Variants in AGGF1 observed in about 807,000 individuals in gnomAD.
AGGF1 encodes angiogenic factor with G-patch and FHA domains 1, also known as angiogenic factor with G patch and FHA domains 1.
AGGF1 carries 56 observed loss-of-function variants against 86.5 expected under a neutral mutation model. The observed-to-expected ratio is 0.65, with a 90% CI of 0.52 to 0.81. The LOEUF (loss-of-function observed/expected upper bound fraction) is 0.81. Among genes scored for constraint, AGGF1 ranks in the 30% least tolerant of loss-of-function variants. The probability of loss-of-function intolerance (pLI) is 0.00; values close to 1 mark genes in which losing one functional copy is unlikely to be tolerated. For synonymous variants in AGGF1, 313 were observed against 297.1 expected, an observed-to-expected ratio of 1.05 and a Z score of -0.55; for missense variants, 816 against 850.9, an observed-to-expected ratio of 0.96 and a Z score of 0.51.
At chr5:77,059,969 G>A (rs1747526195) in intron 12 of AGGF1, among the ~76,000 whole-genome samples, 1 of 152,206 alleles carries the variant, frequency 6.6e-6, no homozygotes, top group Non-Finnish European at 1.5e-5. Context: ...AGCCTCCTGA[G>A]TAGCTGGGAT....
At chr5:77,061,844 G>T in intron 13 of AGGF1, 42 bp downstream of exon 13, 1 of 1,558,900 alleles carries the variant, frequency 6.4e-7, no homozygotes, top group South Asian at 1.1e-5. Context: ...TCCTAGAGCA[G>T]ACATTTACCG....
rs115331006 is a variant in AGGF1 at position 77,036,089 on chromosome 5, C to T, written c.516+346C>T. 3.4e-3 allele frequency: 901 copies of T among 266,308 alleles called. 9 individuals are homozygous for T. Among genetic ancestry groups the T allele is most frequent in the African/African-American group, 0.019 (824 of 43,966 alleles). The allele number at this position is 266,308 out of a possible 1,614,324, so 16.5% of individuals were successfully genotyped here. A position where few individuals can be genotyped will look rare whatever the true frequency, so the allele number is the denominator to read the frequency against. On this transcript the variant is annotated intron_variant, in intron 3 of 13. Coordinates refer to ENST00000312916, the MANE Select transcript of AGGF1 (RefSeq NM_018046.5). Reference sequence around the variant, plus strand: ...ATGTTCCTTTATGTCAGATACCCTGCCACTATTCAAATTTCCCTGAATCTA... The same window carrying T: ...ATGTTCCTTTATGTCAGATACCCTGTCACTATTCAAATTTCCCTGAATCTA...
Position 77,063,231 on chromosome 5 carries a change from G to T in AGGF1, c.2124G>T (p.Trp708Cys). ...AAGATGACCCAGGGACCATGCCTTG[G>T]GTAAAAGGGACTTTAGAGTGAAGGC... ...PQKDDPGTMP[W>C]VKGTLE Residue 708 changes from tryptophan to cysteine, a missense_variant, in exon 14 of 14, where the codon TGG (tryptophan) becomes TGT (cysteine). Trp to Cys is a radical substitution (Grantham distance 215). Transcript: ENST00000312916. 1.2e-6 allele frequency: 2 copies of T among 1,613,502 alleles called. No individual in the cohort carries two copies. Among genetic ancestry groups the T allele is most frequent in the Non-Finnish European group, 1.7e-6 (2 of 1,179,760 alleles).
chr5:77,041,553 C>T (rs899639868), intron 5 of AGGF1, among the ~76,000 whole-genome samples: 1 of 127,218 alleles, frequency 7.9e-6, no homozygotes, highest in Non-Finnish European at 1.6e-5. Flanking sequence ...GGCAACAGAG[C>T]GAGACTCCAT....
At position 77,063,512 on chromosome 5, in the gene AGGF1, T is replaced by A. The variant is rs1747604945; in HGVS notation, c.*260T>A. 2.2e-6 allele frequency: 1 copy of A among 452,742 alleles called. No individual in the cohort carries two copies. Among genetic ancestry groups the A allele is most frequent in the Non-Finnish European group, 4.0e-6 (1 of 252,594 alleles). 28.0% of individuals were successfully genotyped at this position (452,742 alleles called of 1,614,324 possible). On this transcript the variant is annotated 3_prime_UTR_variant, in exon 14 of 14. Coordinates refer to ENST00000312916, the MANE Select transcript of AGGF1 (RefSeq NM_018046.5). ...TATCAAACTTCGTTATTTTATCTTG[T>A]CATTTACAACATCCATATAAGCAAC... is the stretch of plus-strand genomic sequence containing the variant.
At chr5:77,056,314 T>C (rs1010245698) in intron 11 of AGGF1, among the ~76,000 whole-genome samples, 1 of 146,244 alleles carries the variant, frequency 6.8e-6, no homozygotes, top group African/African-American at 2.5e-5. Flanking sequence ...CTGCTACCTC[T>C]GTCTCCTGGG....
At chr5:77,049,122 G>A in intron 8 of AGGF1, 135 bp downstream of exon 8, 1 of 753,276 alleles carries the variant, frequency 1.3e-6, no homozygotes, top group Non-Finnish European at 2.2e-6. Context: ...TAAAGGCAGT[G>A]CAGATCTGTT....
intron 2 of AGGF1, 56 bp downstream of exon 2, chr5:77,034,576 G>A (rs1428355): frequency 0.2 from 237,558 of 1,207,442 alleles, 25,047 homozygotes; most frequent in Admixed American, 0.23. Context: ...TCATGCTAAT[G>A]TTGCGTTTTC....
intron 5 of AGGF1, among the ~76,000 whole-genome samples, chr5:77,040,285 A>G (rs1395383061): frequency 2.0e-5 from 3 of 151,734 alleles, no homozygotes; most frequent in Non-Finnish European, 4.4e-5. Flanking sequence ...ATTTTTTTGT[A>G]ATCTTAGTAG....
At chr5:77,059,542 A>C in intron 11 of AGGF1, 74 bp from the exon 12 acceptor site, 1 of 1,330,392 alleles carries the variant, frequency 7.5e-7, no homozygotes, top group South Asian at 1.2e-5. Context: ...ATATTCGTTA[A>C]GTAAGGCACA....
At position 77,053,443 on chromosome 5, in the gene AGGF1, G is replaced by A. The variant is rs375648406; in HGVS notation, c.1468-522G>A. Among the ~76,000 whole-genome samples, 136 of 152,228 alleles carry A rather than the reference G, an allele frequency of 8.9e-4. 1 individual carries two copies. The highest frequency in any genetic ancestry group is 2.4e-3 in the African/African-American group (100 of 41,556). On this transcript the variant is annotated intron_variant, in intron 9 of 13. Coordinates refer to ENST00000312916, the MANE Select transcript of AGGF1 (RefSeq NM_018046.5). ...CTGAGGCAGGAGAATCGTTTGCACC[G>A]GGGAGGTGGAGGTTGCAGTGAGCCG...
intron 10 of AGGF1, 104 bp downstream of exon 10, chr5:77,054,234 G>A (rs1158902921): frequency 3.0e-6 from 4 of 1,317,122 alleles, no homozygotes; most frequent in East Asian, 2.3e-5. Context: ...TAATTGATAC[G>A]ATACTGCATT....
intron 1 of AGGF1, among the ~76,000 whole-genome samples, chr5:77,034,011 C>T (rs540095960): frequency 6.6e-6 from 1 of 152,324 alleles, no homozygotes; most frequent in Non-Finnish European, 1.5e-5. Context: ...GTGGCATTAA[C>T]ATATTCAGGT....
intron 1 of AGGF1, among the ~76,000 whole-genome samples, chr5:77,032,626 G>A (rs1467806070): frequency 6.7e-6 from 1 of 149,172 alleles, no homozygotes; most frequent in African/African-American, 2.5e-5. Flanking sequence ...TTTTTTACAT[G>A]ACAGCCTTTT....
chr5:77,037,691 G>A (rs895178228), intron 4 of AGGF1, among the ~76,000 whole-genome samples: 3 of 152,094 alleles, frequency 2.0e-5, no homozygotes, highest in East Asian at 1.9e-4. Flanking sequence ...TGGGAGCGTC[G>A]CTTGAGCTGG....
At chr5:77,054,559 G>C (rs1254262896) in intron 10 of AGGF1, among the ~76,000 whole-genome samples, 4 of 152,148 alleles carry the variant, frequency 2.6e-5, no homozygotes, top group Admixed American at 2.6e-4. Context: ...TTGAAAATTG[G>C]TAAGAGAGTA....
chr5:77,036,528 T>C (rs1453137115), intron 3 of AGGF1, 28 bp from the exon 4 acceptor site: 1 of 1,613,212 alleles, frequency 6.2e-7, no homozygotes, highest in African/African-American at 1.3e-5. Flanking sequence ...AGCTTTTGTC[T>C]TATTTGGCAT....
intron 12 of AGGF1, among the ~76,000 whole-genome samples, chr5:77,060,840 T>G (rs1031508234): frequency 2.0e-5 from 3 of 152,212 alleles, no homozygotes; most frequent in African/African-American, 7.2e-5. Context: ...TTTTTAAGTT[T>G]AATGTTTAAA....
Position 77,059,754 on chromosome 5 carries a change from A to G in AGGF1, c.1844+11A>G. On this transcript the variant is annotated intron_variant, in intron 12 of 13. Transcript: ENST00000312916. ...TGCATCTGTTCATTCGTAAGTTTTG[A>G]ATTACAGTGGCTCGAAACATCCTTT... 4 of 1,613,478 alleles carry G rather than the reference A, an allele frequency of 2.5e-6. No individual in the cohort carries two copies. Among genetic ancestry groups the G allele is most frequent in the Non-Finnish European group, 2.5e-6 (3 of 1,179,596 alleles).
Sources: gnomAD v4.1 joint callset for allele counts (sites outside exome capture counted in the v4.1 genomes callset) on GRCh38, gnomAD v4.1.1 for gene constraint, MANE v1.5 for transcripts, NCBI Gene and HGNC (gene_info 2026-07-23, HGNC 2026-07-21) for gene names.